NHS: variants seen among roughly 807,000 people sequenced by gnomAD.
NHS encodes the protein NHS actin remodeling regulator.
A neutral mutation model predicts 72.5 loss-of-function variants in NHS; 5 were observed. That is an observed-to-expected ratio of 0.07 (90% CI 0.04 to 0.14). The LOEUF (loss-of-function observed/expected upper bound fraction) is 0.14, where lower values mean the gene tolerates loss of function less well. Among genes scored for constraint, NHS ranks in the 10% least tolerant of loss-of-function variants. NHS has a pLI of 1.00. For missense variants in NHS, 1,072 were observed against 1,355.7 expected (o/e 0.79, Z 3.29); for synonymous variants, 464 against 547.7 (o/e 0.85, Z 2.13).
chrX:17,556,845 A>C (rs958361871), intron 1 of NHS, among the ~76,000 whole-genome samples: 2 of 111,187 alleles, frequency 1.8e-5, no homozygotes, highest in Non-Finnish European at 3.8e-5. Context: ...AAAATGGCTG[A>C]ACATTGGCAA....
At chrX:17,586,999 C>T (rs2065579487) in intron 1 of NHS, 1 of 111,884 alleles carries the variant, frequency 8.9e-6, no homozygotes, top group African/African-American at 3.3e-5. Flanking sequence ...CTGAATTTCC[C>T]AATACCTGGG....
chrX:17,708,072 G>A (rs1436008968), intron 3 of NHS, among the ~76,000 whole-genome samples: 1 of 111,769 alleles, frequency 8.9e-6, no homozygotes, highest in African/African-American at 3.3e-5. Flanking sequence ...AAATAGTTCT[G>A]TCCATCCAAA....
intron 1 of NHS, among the ~76,000 whole-genome samples, chrX:17,537,163 G>A (rs886297730): frequency 1.8e-5 from 2 of 112,228 alleles, no homozygotes; most frequent in African/African-American, 6.5e-5. Flanking sequence ...GCACGTATAT[G>A]GCACCAAACT....
intron 1 of NHS, among the ~76,000 whole-genome samples, chrX:17,607,776 T>TTAAATA (rs1299469247): frequency 3.6e-5 from 4 of 110,764 alleles, no homozygotes; most frequent in Admixed American, 2.9e-4. Context: ...TAATTGGAAT[T>TTAAATA]TAAATATAAA....
Position 17,727,449 on chromosome X carries a change from AAGC to A in NHS, c.3346_3348del (p.Gln1116del). ...TCCACTGCATGTTTTTACTCATAAT[AAGC>A]AGAACACAGTAGGAGAAACACTGAG... On this transcript the variant is annotated inframe_deletion, in exon 7 of 9. Coordinates refer to ENST00000676302, the MANE Select transcript of NHS (RefSeq NM_001291867.2). 8.3e-7 allele frequency: 1 copy of A among 1,211,717 alleles called. No individual in the cohort carries two copies. Among genetic ancestry groups the A allele is most frequent in the African/African-American group, 1.7e-5 (1 of 57,818 alleles).
At chrX:17,398,876 G>A (rs1253266096) in intron 1 of NHS, among the ~76,000 whole-genome samples, 1 of 111,802 alleles carries the variant, frequency 8.9e-6, no homozygotes, top group Non-Finnish European at 1.9e-5. Flanking sequence ...CTTCTTGACT[G>A]GAGAATTTCA....
At chrX:17,682,969 T>A (rs2066138467) in intron 1 of NHS, among the ~76,000 whole-genome samples, 1 of 111,667 alleles carries the variant, frequency 9.0e-6, no homozygotes, top group African/African-American at 3.3e-5. Flanking sequence ...GGGCCTAGTC[T>A]TTCCAAGAGA....
At chrX:17,723,262 AG>A (rs1244782139) in intron 5 of NHS, among the ~76,000 whole-genome samples, 1 of 112,078 alleles carries the variant, frequency 8.9e-6, no homozygotes, top group Non-Finnish European at 1.9e-5. Flanking sequence ...CACACCACCC[AG>A]CCCCATGCTT....
Position 17,727,618 on chromosome X carries a change from C to A in NHS, c.3512C>A (p.Thr1171Lys), listed in dbSNP as rs908894347. 8.3e-7 allele frequency: 1 copy of A among 1,211,152 alleles called. No homozygotes were observed. The highest frequency in any genetic ancestry group is 1.7e-5 in the African/African-American group (1 of 57,794). Residue 1171 changes from threonine (T) to lysine (K), a missense_variant, in exon 7 of 9, where the codon ACA (threonine) becomes AAA (lysine). By Grantham distance (78) the Thr-to-Lys change is moderately conservative. Transcript: ENST00000676302. ...DLPYLEESTL[T>K]TAALSPSKIR... ...CCTTATTTAGAGGAAAGCACACTCA[C>A]AACGGCTGCCTTGTCTCCAAGTAAG... is the stretch of plus-strand genomic sequence containing the variant.
intron 1 of NHS, among the ~76,000 whole-genome samples, chrX:17,544,720 C>T (rs1180556521): frequency 8.9e-6 from 1 of 111,735 alleles, no homozygotes; most frequent in Non-Finnish European, 1.9e-5. Flanking sequence ...GCCATGTTGG[C>T]CCGGCTGGTC....
chrX:17,482,305 T>C (rs2064949146), intron 1 of NHS, among the ~76,000 whole-genome samples: 1 of 111,766 alleles, frequency 8.9e-6, no homozygotes, highest in Admixed American at 9.5e-5. Flanking sequence ...TTGAAATGTC[T>C]CAGCAACATG....
At chrX:17,615,721 C>T (rs990683483) in intron 1 of NHS, among the ~76,000 whole-genome samples, 3 of 110,508 alleles carry the variant, frequency 2.7e-5, no homozygotes, top group South Asian at 3.9e-4. Flanking sequence ...ATTCCCTGAA[C>T]GCACTATCCA....
chrX:17,556,427 G>A (rs1207373605), intron 1 of NHS, among the ~76,000 whole-genome samples: 1 of 111,415 alleles, frequency 9.0e-6, no homozygotes, highest in Non-Finnish European at 1.9e-5. Flanking sequence ...GCCTTAGTGT[G>A]GAAAAGGGTC....
chrX:17,600,804 CGAGAAGGAAGGA>C (rs1212579152), intron 1 of NHS, among the ~76,000 whole-genome samples: 2 of 108,344 alleles, frequency 1.8e-5, no homozygotes, highest in African/African-American at 3.4e-5. Flanking sequence ...GGTGGGGGAG[CGAGAAGGAAGGA>C]GAGAAGGAGA....
At chrX:17,647,490 C>T (rs1427909677) in intron 1 of NHS, among the ~76,000 whole-genome samples, 2 of 111,728 alleles carry the variant, frequency 1.8e-5, no homozygotes, top group Admixed American at 1.9e-4. Flanking sequence ...GAGTCTCCAT[C>T]TGTACATTTC....
chrX:17,400,766 G>A (rs778718281), intron 1 of NHS, among the ~76,000 whole-genome samples: 40 of 111,865 alleles, frequency 3.6e-4, no homozygotes, highest in African/African-American at 1.2e-3. Context: ...GACATCTTGC[G>A]TTCGCGGATC....
At chrX:17,410,516 CTTTTTTTTTTTT>C (rs200959395) in intron 1 of NHS, among the ~76,000 whole-genome samples, 9 of 82,227 alleles carry the variant, frequency 1.1e-4, no homozygotes, top group Non-Finnish European at 2.1e-4. Context: ...CAACTCTCTG[CTTTTTTTTTTTT>C]TTTTTTTTTC....
chrX:17,510,612 C>G (rs746833179), intron 1 of NHS, among the ~76,000 whole-genome samples: 2 of 111,896 alleles, frequency 1.8e-5, no homozygotes, highest in South Asian at 3.7e-4. Flanking sequence ...GGTTATAAAT[C>G]GAGTGGTGAG....
intron 5 of NHS, among the ~76,000 whole-genome samples, chrX:17,723,768 T>TGCGCGCGC (rs1351467496): frequency 1.1e-5 from 1 of 93,995 alleles, no homozygotes; most frequent in African/African-American, 5.0e-5. Flanking sequence ...TGTGTGTGTG[T>TGCGCGCGC]GTGCGCGCGC....
Sources: allele counts gnomAD v4.1 joint callset (sites outside exome capture counted in the v4.1 genomes callset), GRCh38; gene constraint gnomAD v4.1.1; transcripts MANE v1.5; gene names NCBI Gene and HGNC (gene_info 2026-07-23, HGNC 2026-07-21).